Variants in ZNF679 observed in about 807,000 individuals in gnomAD.
ZNF679 encodes the protein hypothetical protein MGC42415.
In ZNF679, 10 loss-of-function variants were observed where a neutral mutation model predicts 13.4. The ratio of observed to expected loss-of-function variants is 0.75; its 90% CI spans 0.46 to 1.27. ZNF679 has a LOEUF of 1.27. Among genes scored for constraint, ZNF679 ranks in the 50% most tolerant of loss-of-function variants. The pLI is 0.00. For missense variants in ZNF679, 525 were observed against 477.8 expected, an observed-to-expected ratio of 1.10 and a Z score of -0.92; for synonymous variants, 179 against 162.5, an observed-to-expected ratio of 1.10 and a Z score of -0.77.
intron 1 of ZNF679, among the ~76,000 whole-genome samples, chr7:64,237,187 C>G (rs988650888): frequency 6.6e-6 from 1 of 152,090 alleles, no homozygotes; most frequent in South Asian, 2.1e-4. Flanking sequence ...GTCACTGGTG[C>G]AGATTCAAGA....
rs755996010 is a variant in ZNF679 at position 64,266,757 on chromosome 7, C to G, written c.1124C>G (p.Thr375Ser). 1 of 1,610,992 alleles carries G rather than the reference C, an allele frequency of 6.2e-7. No individual in the cohort carries two copies. The highest frequency in any genetic ancestry group is 8.5e-7 in the Non-Finnish European group (1 of 1,178,468). The change falls in exon 5 of 5, where the codon ACT becomes AGT. Residue 375 changes from threonine to serine, a missense_variant. Transcript: ENST00000421025. ...STLNTHKRIHTGEEPYKCEEC... is the reference protein window; with the variant it reads ...STLNTHKRIHSGEEPYKCEEC... ...CTTAATACTCATAAGAGGATTCATA[C>G]TGGAGAGGAACCCTACAAATGTGAA...
chr7:64,248,643 G>C (rs568125253), intron 1 of ZNF679, among the ~76,000 whole-genome samples: 9 of 152,190 alleles, frequency 5.9e-5, no homozygotes, highest in African/African-American at 1.9e-4. Context: ...CACTGCAAAG[G>C]ACCCGCAGCA....
chr7:64,259,886 C>T (rs1426004669), intron 2 of ZNF679, among the ~76,000 whole-genome samples: 1 of 151,850 alleles, frequency 6.6e-6, no homozygotes, highest in Non-Finnish European at 1.5e-5. Context: ...CAAGATCATG[C>T]CACTGCACTC....
intron 2 of ZNF679, among the ~76,000 whole-genome samples, chr7:64,259,655 C>CG (rs1261638331): frequency 6.6e-6 from 1 of 152,030 alleles, no homozygotes; most frequent in East Asian, 1.9e-4. Context: ...AGGCCAGGTG[C>CG]GGGGGCTCAC....
chr7:64,232,854 T>G (rs1046579197), intron 1 of ZNF679, among the ~76,000 whole-genome samples: 12 of 152,294 alleles, frequency 7.9e-5, no homozygotes, highest in African/African-American at 2.9e-4. Context: ...CACTGCTGCC[T>G]GTAGACAGGT....
rs747472224 is a variant in ZNF679 at position 64,263,929 on chromosome 7, T to TATTTC, written c.263-1965_263-1961dup. Among the ~76,000 whole-genome samples the TATTTC allele has an allele frequency of 2.7e-4, 41 of 152,254 alleles. No homozygotes were observed. In the South Asian group the frequency reaches 8.5e-3, roughly 32 times the overall value. Reference sequence around the variant, plus strand: ...GTTTTCTGTTTTTTAATTAATTTTTTATTTCAATTTTTTATTTATTATTGA... The same window carrying TATTTC: ...GTTTTCTGTTTTTTAATTAATTTTTTATTTCATTTCAATTTTTTATTTATTATTGA... On this transcript the variant is annotated intron_variant, in intron 4 of 4. Coordinates refer to ENST00000421025, the MANE Select transcript of ZNF679 (RefSeq NM_153363.3).
chr7:64,248,323 C>T (rs1295006884), intron 1 of ZNF679, among the ~76,000 whole-genome samples: 7 of 151,684 alleles, frequency 4.6e-5, no homozygotes, highest in Non-Finnish European at 8.8e-5. Context: ...GGCTCTTTCG[C>T]CCAGGCTGCA....
At chr7:64,263,668 A>C (rs1209856372) in intron 4 of ZNF679, among the ~76,000 whole-genome samples, 1 of 152,130 alleles carries the variant, frequency 6.6e-6, no homozygotes, top group African/African-American at 2.4e-5. Context: ...GAACATGGCT[A>C]TTCCACCTCA....
chr7:64,240,929 G>T (rs914827920), intron 1 of ZNF679, among the ~76,000 whole-genome samples: 1 of 152,090 alleles, frequency 6.6e-6, no homozygotes, highest in Non-Finnish European at 1.5e-5. Flanking sequence ...CAGCCCCCAG[G>T]TGTTCTAAAT....
rs370641899 is a variant in ZNF679, at chr7:64,248,890, C to T, written c.-90-138C>T. 22 of 635,938 alleles carry T rather than the reference C, an allele frequency of 3.5e-5. No homozygotes were observed. The South Asian group carries it at 4.4e-4, about 13-fold the overall frequency. The allele number at this position is 635,938 out of a possible 1,614,324, so 39.4% of individuals were successfully genotyped here. A position where few individuals can be genotyped will look rare whatever the true frequency, so the allele number is the denominator to read the frequency against. Reference sequence around the variant, plus strand: ...CAGTGTCTGATCACATTTTTCGTCACTCAGGGCGTGAAGGGTGGGTCCTGA... The same window carrying T: ...CAGTGTCTGATCACATTTTTCGTCATTCAGGGCGTGAAGGGTGGGTCCTGA... On this transcript the variant is annotated intron_variant, in intron 1 of 4. Transcript: ENST00000421025.
chr7:64,232,022 C>T (rs974422210), intron 1 of ZNF679, among the ~76,000 whole-genome samples: 1 of 152,228 alleles, frequency 6.6e-6, no homozygotes, highest in Non-Finnish European at 1.5e-5. Context: ...ACTCCACCTG[C>T]ACACAGTGTC....
At chr7:64,254,882 C>G (rs1787983343) in intron 2 of ZNF679, among the ~76,000 whole-genome samples, 1 of 151,322 alleles carries the variant, frequency 6.6e-6, no homozygotes, top group African/African-American at 2.4e-5. Context: ...TGCCTGTAAT[C>G]CCAGCTACTC....
intron 4 of ZNF679, among the ~76,000 whole-genome samples, chr7:64,263,140 C>T (rs1788100786): frequency 6.6e-6 from 1 of 152,096 alleles, no homozygotes; most frequent in African/African-American, 2.4e-5. Context: ...TGCCCAGACT[C>T]TAGTGCAGTA....
At chr7:64,232,087 G>A (rs527560614) in intron 1 of ZNF679, among the ~76,000 whole-genome samples, 82 of 152,340 alleles carry the variant, frequency 5.4e-4, no homozygotes, top group African/African-American at 1.7e-3. Context: ...CAAGAGCTGA[G>A]GCAGGAGAAT....
At chr7:64,246,622 C>T (rs1316989975) in intron 1 of ZNF679, among the ~76,000 whole-genome samples, 1 of 152,066 alleles carries the variant, frequency 6.6e-6, no homozygotes, top group Non-Finnish European at 1.5e-5. Flanking sequence ...CCTCCAGAAG[C>T]TGAGGCAGGA....
chr7:64,242,692 G>A (rs895892007), intron 1 of ZNF679, among the ~76,000 whole-genome samples: 1 of 152,064 alleles, frequency 6.6e-6, no homozygotes, highest in African/African-American at 2.4e-5. Context: ...TCAGTGTTGT[G>A]CTGGGCCCTA....
At chr7:64,234,067 G>A (rs752447834) in intron 1 of ZNF679, among the ~76,000 whole-genome samples, 1 of 152,038 alleles carries the variant, frequency 6.6e-6, no homozygotes, top group Non-Finnish European at 1.5e-5. Context: ...ACACCACAGC[G>A]ACTGGGTGTT....
At chr7:64,232,597 G>C (rs1365347001) in intron 1 of ZNF679, among the ~76,000 whole-genome samples, 1 of 152,190 alleles carries the variant, frequency 6.6e-6, no homozygotes, top group Non-Finnish European at 1.5e-5. Context: ...GCAGGCATGT[G>C]GGTGCTTGGC....
chr7:64,251,606 A>G (rs1787945368), intron 2 of ZNF679, among the ~76,000 whole-genome samples: 1 of 152,140 alleles, frequency 6.6e-6, no homozygotes, highest in Admixed American at 6.6e-5. Context: ...CTACAGGGTA[A>G]TGTTTCTTCA....
Sources: gnomAD v4.1 joint callset for allele counts (sites outside exome capture counted in the v4.1 genomes callset) on GRCh38, gnomAD v4.1.1 for gene constraint, MANE v1.5 for transcripts, NCBI Gene and HGNC (gene_info 2026-07-23, HGNC 2026-07-21) for gene names.